The following HERC2 variants were observed in gnomAD, a reference collection of about 807,000 sequenced individuals.
HERC2 encodes the protein E3 ubiquitin-protein ligase HERC2.
HERC2 carries 102 observed loss-of-function variants against 537.7 expected under a neutral mutation model. The ratio of observed to expected loss-of-function variants is 0.19; its 90% CI spans 0.16 to 0.22. The LOEUF (loss-of-function observed/expected upper bound fraction) is 0.22. Ranked by LOEUF, HERC2 falls within the 10% of genes least tolerant of loss-of-function variation. The pLI is 1.00. For missense variants in HERC2, 4,236 were observed against 6,198.2 expected (o/e 0.68, Z 10.63); for synonymous variants, 2,224 against 2,466.2 (o/e 0.90, Z 2.91).
intron 82 of HERC2, 45 bp from the exon 83 acceptor site, chr15:28,130,347 A>C: frequency 6.2e-7 from 1 of 1,613,110 alleles, no homozygotes; most frequent in Non-Finnish European, 8.5e-7. Flanking sequence ...AGGTGATCTC[A>C]CTGACCACCC....
At position 28,265,526 on chromosome 15, in the gene HERC2, C is replaced by A. The variant is rs117694443; in HGVS notation, c.1870+92G>T. 4.8e-6 allele frequency: 5 copies of A among 1,052,608 alleles called. No homozygotes were observed. Among genetic ancestry groups the A allele is most frequent in the South Asian group, 2.8e-5 (2 of 71,352 alleles). The allele number at this position is 1,052,608 out of a possible 1,614,324, so 65.2% of individuals were successfully genotyped here. ...CACTGGGCGACAGGGTGGGTGGCCT[C>A]GTGAGGCCCACTGTACTCATCTCAC... On this transcript the variant is annotated intron_variant, in intron 14 of 92. Transcript: ENST00000261609. This position sits in a 1 kb window ranked among gnomAD's most constrained non-coding sequence, Gnocchi z 4.0.
Position 28,114,603 on chromosome 15 carries a change from A to G in HERC2, c.13913+9T>C, listed in dbSNP as rs377237386. The G allele has an allele frequency of 1.2e-6, 2 of 1,610,152 alleles. No homozygotes were observed. Among genetic ancestry groups the G allele is most frequent in the African/African-American group, 2.7e-5 (2 of 74,796 alleles). ...TATGTCAATGCAACAGAGACGGATG[A>G]CCACCAACCTATAGTTTATCGCCAG... On this transcript the variant is annotated intron_variant, in intron 90 of 92. Transcript: ENST00000261609.
Position 28,213,979 on chromosome 15 carries a change from C to G in HERC2, c.6556-7G>C, listed in dbSNP as rs1455578893. 4 of 1,612,504 alleles carry G rather than the reference C, an allele frequency of 2.5e-6. No homozygotes were observed. The highest frequency in any genetic ancestry group is 3.4e-6 in the Non-Finnish European group (4 of 1,178,596). On this transcript the variant is annotated splice_polypyrimidine_tract_variant and splice_region_variant and intron_variant, in intron 41 of 92. Coordinates refer to ENST00000261609, the MANE Select transcript of HERC2 (RefSeq NM_004667.6). ...AGTAGTCCTCTAACTGGGCCTAGTGCAGACCAAACAGCGAGCTCGACAGAG... is the reference window on the plus strand; with the variant it reads ...AGTAGTCCTCTAACTGGGCCTAGTGGAGACCAAACAGCGAGCTCGACAGAG...
At chr15:28,129,505 C>A (rs1889871529) in intron 83 of HERC2, among the ~76,000 whole-genome samples, 1 of 152,256 alleles carries the variant, frequency 6.6e-6, no homozygotes, top group South Asian at 2.1e-4. Context: ...GTCGCTTGTA[C>A]AGACAGTTCA....
intron 35 of HERC2, 68 bp downstream of exon 35, chr15:28,228,141 AAAAGAAAAG>A: frequency 7.8e-7 from 1 of 1,280,080 alleles, no homozygotes; most frequent in Non-Finnish European, 1.1e-6. Context: ...AAAAAAAAAA[AAAAGAAAAG>A]AAAAGAAAAG....
intron 50 of HERC2, among the ~76,000 whole-genome samples, chr15:28,197,695 G>A (rs1897481343): frequency 6.6e-6 from 1 of 152,194 alleles, no homozygotes; most frequent in African/African-American, 2.4e-5. Context: ...AGGTTGCAGT[G>A]AGTCAAGATG....
At chr15:28,240,652 G>A (rs1199454880) in intron 23 of HERC2, among the ~76,000 whole-genome samples, 2 of 152,022 alleles carry the variant, frequency 1.3e-5, no homozygotes, top group African/African-American at 4.8e-5. Flanking sequence ...TAAACCCTAA[G>A]AAAGAAGAAG....
rs370318976 is a variant in HERC2 at position 28,214,751 on chromosome 15, C to T, written c.6262G>A (p.Glu2088Lys). The T allele has an allele frequency of 8.7e-6, 14 of 1,611,572 alleles. No homozygotes were observed. Among genetic ancestry groups the T allele is most frequent in the African/African-American group, 2.7e-5 (2 of 74,850 alleles). Residue 2088 changes from glutamate (E) to lysine (K), a missense_variant, in exon 40 of 93, where the codon GAA becomes AAA. By Grantham distance (56) the Glu-to-Lys change is moderately conservative (BLOSUM62 1). Transcript: ENST00000261609. ...QAVLPSWDKT[E>K]RARDMKCLVE... ...AGGCATTTCATGTCCCTCGCCCTTT[C>T]GGTCTTGTCCCATGATGGAAGGACT...
intron 42 of HERC2, 54 bp downstream of exon 42, chr15:28,213,688 T>C: frequency 1.2e-6 from 2 of 1,612,126 alleles, no homozygotes; most frequent in Non-Finnish European, 1.7e-6. Context: ...TGCTCGGTTC[T>C]AGTGTAAAGT....
At chr15:28,124,416 T>TA (rs1889253978) in intron 84 of HERC2, among the ~76,000 whole-genome samples, 182 bp from the exon 85 acceptor site, 1 of 152,078 alleles carries the variant, frequency 6.6e-6, no homozygotes, top group African/African-American at 2.4e-5. Flanking sequence ...AGTTTGACTG[T>TA]AAAAAAAATT....
In HERC2 at chr15:28,191,256, C is replaced by CA. The variant is rs750783974; in HGVS notation, c.8452-13dup. ...AAACGAATCCAGTGCTTTAGAAAAACAAAAAAACCACATTCTCAGTTAGCA... is the reference window on the plus strand; with the variant it reads ...AAACGAATCCAGTGCTTTAGAAAAACAAAAAAAACCACATTCTCAGTTAGCA... On this transcript the variant is annotated splice_polypyrimidine_tract_variant and intron_variant, in intron 53 of 92. Transcript: ENST00000261609. The CA allele has an allele frequency of 1.7e-5, 27 of 1,563,216 alleles. No individual in the cohort carries two copies. The highest frequency in any genetic ancestry group is 2.2e-5 in the East Asian group (1 of 44,650).
chr15:28,255,757 C>A, intron 19 of HERC2, 115 bp downstream of exon 19: 2 of 1,120,574 alleles, frequency 1.8e-6, no homozygotes, highest in South Asian at 3.3e-5. Context: ...TTAAAAAATA[C>A]TTGGATATGA....
chr15:28,146,029 G>T (rs530766626), intron 71 of HERC2, among the ~76,000 whole-genome samples: 1 of 152,178 alleles, frequency 6.6e-6, no homozygotes, highest in Non-Finnish European at 1.5e-5. Flanking sequence ...CAGGGATGTG[G>T]TACATACATC....
chr15:28,307,490 A>G lies in HERC2; in HGVS notation c.73-7974T>C, dbSNP rs138500036. 4.6e-3 allele frequency among the ~76,000 whole-genome samples: 692 copies of G among 151,612 alleles called. 7 individuals carry two copies. Among genetic ancestry groups the G allele is most frequent in the South Asian group, 0.031 (147 of 4,798 alleles). The stretch of plus-strand genomic sequence containing the variant: ...TATTTGAAGTTTTTCTACTTTTTTG[A>G]TTTTCCTCTTAGTACTGCTTTAACT... On this transcript the variant is annotated intron_variant, in intron 2 of 92. Coordinates refer to ENST00000261609, the MANE Select transcript of HERC2 (RefSeq NM_004667.6).
At chr15:28,256,805 G>A (rs568185444) in intron 17 of HERC2, among the ~76,000 whole-genome samples, 24 of 152,158 alleles carry the variant, frequency 1.6e-4, no homozygotes, top group Non-Finnish European at 2.8e-4. Context: ...CATGTTAGCC[G>A]GGATGGTCTC....
chr15:28,176,376 T>G lies in HERC2; in HGVS notation c.9686+52A>C. The G allele has an allele frequency of 1.3e-6, 2 of 1,584,868 alleles. No individual in the cohort carries two copies. The highest frequency in any genetic ancestry group is 2.7e-5 in the African/African-American group (2 of 74,436). On this transcript the variant is annotated intron_variant, in intron 63 of 92. Coordinates refer to ENST00000261609, the MANE Select transcript of HERC2 (RefSeq NM_004667.6). The surrounding 1 kb of genome is among the most constrained non-coding windows in gnomAD (Gnocchi z 5.0). Reference sequence around the variant, plus strand: ...AGCCTGGGGCGAGGCCCAGGTTCCCTGCACACACCTGCACAAGCACACACA... The same window carrying G: ...AGCCTGGGGCGAGGCCCAGGTTCCCGGCACACACCTGCACAAGCACACACA...
intron 23 of HERC2, among the ~76,000 whole-genome samples, chr15:28,241,078 G>A (rs2140739445): frequency 6.6e-6 from 1 of 152,246 alleles, no homozygotes; most frequent in African/African-American, 2.4e-5. Context: ...ATACTTCTGT[G>A]CATCAAAGGA....
intron 70 of HERC2, among the ~76,000 whole-genome samples, chr15:28,147,081 G>C (rs969929726): frequency 2.7e-5 from 4 of 146,478 alleles, no homozygotes; most frequent in Non-Finnish European, 4.5e-5. Flanking sequence ...CAGCTAGTAT[G>C]TGGTTGCTAG....
intron 7 of HERC2, 121 bp downstream of exon 7, chr15:28,274,170 C>A: frequency 1.1e-6 from 1 of 891,270 alleles, no homozygotes; most frequent in Non-Finnish European, 1.7e-6. Context: ...ACTGACAGCC[C>A]GCTGAAAACA....
Sources: allele counts gnomAD v4.1 joint callset (sites outside exome capture counted in the v4.1 genomes callset), GRCh38; gene constraint gnomAD v4.1.1; non-coding constraint Gnocchi (gnomAD v3.1); transcripts MANE v1.5; gene names NCBI Gene and HGNC (gene_info 2026-07-23, HGNC 2026-07-21).